Variants in BAALC observed in about 807,000 individuals in gnomAD.
BAALC encodes the protein BAALC binder of MAP3K1 and KLF4.
In BAALC, 9 loss-of-function variants were observed where a neutral mutation model predicts 15.5. That is an observed-to-expected ratio of 0.58 (90% CI 0.35 to 1.02). The LOEUF is 1.02. Among genes scored for constraint, BAALC ranks in the 50% least tolerant of loss-of-function variants. BAALC has a pLI of 0.02. For missense variants in BAALC, 201 were observed against 192.4 expected (o/e 1.04, Z -0.27); for synonymous variants, 80 against 74.6 (o/e 1.07, Z -0.37).
At chr8:103,155,491 C>T (rs965418066) in intron 1 of BAALC, among the ~76,000 whole-genome samples, 2 of 152,140 alleles carry the variant, frequency 1.3e-5, no homozygotes, top group African/African-American at 4.8e-5. Context: ...GCCTTTTTAC[C>T]CTGTATCGGC....
rs115031995 is a variant in BAALC, at chr8:103,168,269, G to T, written c.160+27212G>T. ...TCATTTCCTTGTCTCTAAATAATTGGCAAGTCATACTCTTTCTTGATGTTT... is the reference window on the plus strand; with the variant it reads ...TCATTTCCTTGTCTCTAAATAATTGTCAAGTCATACTCTTTCTTGATGTTT... On this transcript the variant is annotated intron_variant, in intron 1 of 2. Coordinates refer to ENST00000309982, the MANE Select transcript of BAALC (RefSeq NM_024812.3). Among the ~76,000 whole-genome samples, 451 of 152,130 alleles carry T rather than the reference G, an allele frequency of 3.0e-3. 3 individuals are homozygous for T. Among genetic ancestry groups the T allele is most frequent in the African/African-American group, 9.8e-3 (406 of 41,510 alleles).
rs142492083 is a variant in BAALC at position 103,178,975 on chromosome 8, A to T, written c.161-33944A>T. 9.1e-4 allele frequency among the ~76,000 whole-genome samples: 139 copies of T among 152,308 alleles called. 1 individual carries two copies. The highest frequency in any genetic ancestry group is 3.2e-3 in the African/African-American group (135 of 41,560). ...TGGAAAGAAGGAAAGCTGAGATAAG[A>T]TTGCTAAATTAAATACAAAACTAGT... is the stretch of plus-strand genomic sequence containing the variant. On this transcript the variant is annotated intron_variant, in intron 1 of 2. Transcript: ENST00000309982.
intron 1 of BAALC, among the ~76,000 whole-genome samples, chr8:103,197,170 A>T (rs1812115311): frequency 6.6e-6 from 1 of 152,254 alleles, no homozygotes; most frequent in African/African-American, 2.4e-5. Context: ...AAAAGGGAAA[A>T]TATGATTCAT....
intron 1 of BAALC, among the ~76,000 whole-genome samples, chr8:103,199,944 T>G (rs184235842): frequency 6.6e-6 from 1 of 152,336 alleles, no homozygotes; most frequent in Admixed American, 6.5e-5. Flanking sequence ...CTGCTAAGAA[T>G]AATGGCCTCC....
intron 1 of BAALC, among the ~76,000 whole-genome samples, chr8:103,143,100 G>A (rs559816990): frequency 6.6e-6 from 1 of 152,260 alleles, no homozygotes; most frequent in African/African-American, 2.4e-5. Flanking sequence ...GGCCTTCTTT[G>A]GGGGTGTACT....
At chr8:103,195,738 C>T (rs1488642054) in intron 1 of BAALC, among the ~76,000 whole-genome samples, 1 of 152,196 alleles carries the variant, frequency 6.6e-6, no homozygotes, top group Non-Finnish European at 1.5e-5. Flanking sequence ...GGAAAAAATA[C>T]TTTAACACAT....
intron 2 of BAALC, among the ~76,000 whole-genome samples, chr8:103,223,294 G>A (rs566305483): frequency 6.6e-6 from 1 of 151,634 alleles, no homozygotes; most frequent in African/African-American, 2.4e-5. Flanking sequence ...GTGACAGAGA[G>A]AGACTGTCTC....
At chr8:103,171,238 AAAGAAAGGAAGGAAGG>A (rs1242839499) in intron 1 of BAALC, among the ~76,000 whole-genome samples, 3 of 148,588 alleles carry the variant, frequency 2.0e-5, no homozygotes, top group African/African-American at 7.5e-5. Flanking sequence ...GGACAGAAAG[AAAGAAAGGAAGGAAGG>A]AAGAAAGGAA....
rs183442746 is a variant in BAALC at position 103,228,305 on chromosome 8, C to A, written c.*206C>A. On this transcript the variant is annotated 3_prime_UTR_variant, in exon 3 of 3. Transcript: ENST00000309982. ...TCTACTTATCATGTAAATGTATTGGCACAGTGCTTACATATGTTAATAAAC... is the reference window on the plus strand; with the variant it reads ...TCTACTTATCATGTAAATGTATTGGAACAGTGCTTACATATGTTAATAAAC... 14 of 543,060 alleles carry A rather than the reference C, an allele frequency of 2.6e-5. No homozygotes were observed. Among genetic ancestry groups the A allele is most frequent in the Admixed American group, 9.9e-5 (3 of 30,420 alleles). 33.6% of individuals were successfully genotyped at this position (543,060 alleles called of 1,614,324 possible). A position where few individuals can be genotyped will look rare whatever the true frequency, so the allele number is the denominator to read the frequency against.
intron 1 of BAALC, chr8:103,157,074 T>C (rs1811109624): frequency 6.6e-6 from 1 of 152,162 alleles, no homozygotes; most frequent in Non-Finnish European, 1.5e-5. Flanking sequence ...GTGGAATGTA[T>C]ATGATATACA....
chr8:103,182,186 G>A (rs532376384), intron 1 of BAALC, among the ~76,000 whole-genome samples: 2 of 152,178 alleles, frequency 1.3e-5, no homozygotes, highest in Non-Finnish European at 2.9e-5. Flanking sequence ...TCATCTGCAG[G>A]TGTGCAACAT....
At chr8:103,185,979 C>T (rs992815991) in intron 1 of BAALC, among the ~76,000 whole-genome samples, 4 of 152,146 alleles carry the variant, frequency 2.6e-5, no homozygotes, top group Admixed American at 6.5e-5. Context: ...GTCTTCTCTG[C>T]TTGTTCTGGT....
chr8:103,185,330 AT>A (rs1465281402), intron 1 of BAALC, among the ~76,000 whole-genome samples: 2 of 152,072 alleles, frequency 1.3e-5, no homozygotes, highest in African/African-American at 4.8e-5. Context: ...AAATGGGCCC[AT>A]AAAATTCTTC....
intron 1 of BAALC, among the ~76,000 whole-genome samples, chr8:103,170,555 A>T (rs538832878): frequency 6.6e-6 from 1 of 152,300 alleles, no homozygotes; most frequent in South Asian, 2.1e-4. Context: ...GAAGTGATGC[A>T]TCTACAAACC....
intron 2 of BAALC, among the ~76,000 whole-genome samples, chr8:103,218,627 CA>C (rs1012247996): frequency 6.6e-6 from 1 of 152,022 alleles, no homozygotes; most frequent in Non-Finnish European, 1.5e-5. Flanking sequence ...GGCCATAGCT[CA>C]AGTAGAAAAG....
chr8:103,150,157 G>A (rs925196362), intron 1 of BAALC, among the ~76,000 whole-genome samples: 1 of 152,014 alleles, frequency 6.6e-6, no homozygotes, highest in East Asian at 1.9e-4. Context: ...TAAAACCATC[G>A]GATCTCATGA....
intron 1 of BAALC, among the ~76,000 whole-genome samples, chr8:103,150,869 A>G (rs1459046102): frequency 2.6e-5 from 4 of 152,010 alleles, no homozygotes; most frequent in African/African-American, 9.7e-5. Context: ...TCTGTTTACA[A>G]TTTCATACAC....
At chr8:103,193,885 C>A (rs11784151) in intron 1 of BAALC, among the ~76,000 whole-genome samples, 21,265 of 152,204 alleles carry the variant, frequency 0.14, 1,560 homozygotes, top group Non-Finnish European at 0.16. Flanking sequence ...AACCAGCCAC[C>A]AAAGACGCTT....
intron 1 of BAALC, among the ~76,000 whole-genome samples, chr8:103,182,143 GAATT>G (rs1236119222): frequency 6.6e-6 from 1 of 152,162 alleles, no homozygotes; most frequent in Non-Finnish European, 1.5e-5. Context: ...GTTTGCCACA[GAATT>G]AATTAGCCTC....
Sources: allele counts gnomAD v4.1 joint callset (sites outside exome capture counted in the v4.1 genomes callset), GRCh38; gene constraint gnomAD v4.1.1; transcripts MANE v1.5; gene names NCBI Gene and HGNC (gene_info 2026-07-23, HGNC 2026-07-21).